The following GRM7 variants were observed in gnomAD, a reference collection of about 807,000 sequenced individuals.
GRM7 encodes glutamate metabotropic receptor 7.
GRM7 carries 35 observed loss-of-function variants against 84.5 expected under a neutral mutation model. That is an observed-to-expected ratio of 0.41 (90% CI 0.32 to 0.55). The LOEUF (loss-of-function observed/expected upper bound fraction) is 0.55, where lower values mean the gene tolerates loss of function less well. Among genes scored for constraint, GRM7 ranks in the 20% least tolerant of loss-of-function variants. The probability of loss-of-function intolerance (pLI) is 0.19; values close to 1 mark genes in which losing one functional copy is unlikely to be tolerated. For synonymous variants in GRM7, 487 were observed against 455.1 expected, an observed-to-expected ratio of 1.07 and a Z score of -0.89; for missense variants, 1,003 against 1,194.6, an observed-to-expected ratio of 0.84 and a Z score of 2.36.
At chr3:7,360,468 G>T (rs2125104228) in intron 4 of GRM7, among the ~76,000 whole-genome samples, 1 of 152,152 alleles carries the variant, frequency 6.6e-6, no homozygotes, top group South Asian at 2.1e-4. Context: ...TAACAATTAA[G>T]ATTATGTAAA....
intron 8 of GRM7, among the ~76,000 whole-genome samples, chr3:7,666,170 A>G (rs896500721): frequency 1.3e-5 from 2 of 152,208 alleles, no homozygotes; most frequent in Admixed American, 1.3e-4. Context: ...GTCTGTCGTC[A>G]TTCGAGTTAC....
intron 4 of GRM7, among the ~76,000 whole-genome samples, chr3:7,377,686 C>A (rs1575244246): frequency 6.6e-6 from 1 of 152,242 alleles, no homozygotes; most frequent in African/African-American, 2.4e-5. Flanking sequence ...GGCTTCTAGT[C>A]CCTGCAAGAC....
chr3:6,861,456 T>C lies in GRM7; in HGVS notation c.68T>C (p.Val23Ala). The change falls in exon 1 of 10, where the codon GTG becomes GCG. Residue 23 changes from valine to alanine, a missense_variant. Around this residue, in one of 2 missense-constraint regions of GRM7, gnomAD observed 93 missense variants for 68.6 expected, o/e 1.36. Coordinates refer to ENST00000357716, the MANE Select transcript of GRM7 (RefSeq NM_000844.4). This position sits in a 1 kb window ranked among gnomAD's most constrained non-coding sequence, Gnocchi z 6.4. ...AAGTTCCCCTGCTGCGTGCTGGAGG[T>C]GCTCCTGTGCGCGCTGGCGGCGGCG... ...LMKFPCCVLEVLLCALAAAAR... is the reference protein window; with the variant it reads ...LMKFPCCVLEALLCALAAAAR... 1 of 1,555,592 alleles carries C rather than the reference T, an allele frequency of 6.4e-7. No homozygotes were observed. Among genetic ancestry groups the C allele is most frequent in the Non-Finnish European group, 8.7e-7 (1 of 1,149,086 alleles).
chr3:7,409,099 G>A (rs895036453), intron 4 of GRM7, among the ~76,000 whole-genome samples: 7 of 152,116 alleles, frequency 4.6e-5, no homozygotes, highest in Non-Finnish European at 4.4e-5. Context: ...CAAGACTACT[G>A]TTTTTCAATA....
intron 2 of GRM7, among the ~76,000 whole-genome samples, chr3:7,185,676 G>A (rs142645842): frequency 1.5e-4 from 23 of 152,298 alleles, no homozygotes; most frequent in African/African-American, 5.5e-4. Flanking sequence ...CTGAGATCCT[G>A]TAAGTGATGC....
At chr3:7,730,809 CTATAA>C (rs1165481610) in intron 9 of GRM7, among the ~76,000 whole-genome samples, 2 of 152,164 alleles carry the variant, frequency 1.3e-5, no homozygotes, top group African/African-American at 2.4e-5. Flanking sequence ...TTGCTTGCAT[CTATAA>C]TATATTGAAA....
intron 7 of GRM7, among the ~76,000 whole-genome samples, chr3:7,519,397 A>T (rs1213317782): frequency 3.7e-5 from 5 of 136,974 alleles, no homozygotes; most frequent in Admixed American, 1.5e-4. Flanking sequence ...TTGCCATTAT[A>T]TTTTCATTCC....
chr3:7,373,820 C>T (rs1694235714), intron 4 of GRM7, among the ~76,000 whole-genome samples: 1 of 152,218 alleles, frequency 6.6e-6, no homozygotes, highest in Non-Finnish European at 1.5e-5. Flanking sequence ...TAGTCAATAT[C>T]TGTGCTGGGC....
At chr3:7,367,118 A>G (rs1424492030) in intron 4 of GRM7, among the ~76,000 whole-genome samples, 1 of 150,418 alleles carries the variant, frequency 6.6e-6, no homozygotes. Context: ...TACATCATTT[A>G]TTTCTTTACT....
intron 1 of GRM7, among the ~76,000 whole-genome samples, chr3:6,922,336 T>A (rs1163993295): frequency 6.6e-6 from 1 of 152,182 alleles, no homozygotes; most frequent in Non-Finnish European, 1.5e-5. Flanking sequence ...TCACTTTTTT[T>A]AAGTGAAGTC....
intron 8 of GRM7, among the ~76,000 whole-genome samples, chr3:7,679,284 C>A (rs543160469): frequency 1.3e-5 from 2 of 152,196 alleles, no homozygotes; most frequent in Non-Finnish European, 2.9e-5. Flanking sequence ...ATGGACGGAA[C>A]CCTGGGAAGG....
intron 8 of GRM7, among the ~76,000 whole-genome samples, chr3:7,652,202 T>C (rs1438473633): frequency 2.0e-5 from 3 of 151,826 alleles, no homozygotes; most frequent in Non-Finnish European, 4.4e-5. Context: ...TGTTTGAGAG[T>C]GAAGGGGGAA....
At chr3:7,019,226 C>T (rs746593793) in intron 1 of GRM7, among the ~76,000 whole-genome samples, 10 of 152,308 alleles carry the variant, frequency 6.6e-5, no homozygotes, top group East Asian at 3.9e-4. Context: ...GAAAAACACA[C>T]GTACAGCCTC....
Position 7,579,147 on chromosome 3 carries a change from CAA to C in GRM7, c.2242_2243del (p.Lys748ValfsTer2). 6.2e-7 allele frequency: 1 copy of C among 1,613,686 alleles called. No individual in the cohort carries two copies. The highest frequency in any genetic ancestry group is 8.5e-7 in the Non-Finnish European group (1 of 1,179,628). On this transcript the variant is annotated frameshift_variant, in exon 8 of 10. Transcript: ENST00000357716. LOFTEE classifies it high-confidence loss of function. ...ACCCTGAGCAAGCCAGAGGGGTTCT[CAA>C]GTGTGACATTACAGATCTCCAAATC... Reference protein sequence around the residue: ...MNPEQARGVLKCDITDLQIIC... With the variant: ...MNPEQARGVLXCDITDLQIIC...
chr3:7,330,274 A>G (rs1701151633), intron 4 of GRM7, among the ~76,000 whole-genome samples: 2 of 152,074 alleles, frequency 1.3e-5, no homozygotes, highest in South Asian at 2.1e-4. Context: ...TGATTCTATA[A>G]TGGTATAAGG....
intron 4 of GRM7, among the ~76,000 whole-genome samples, chr3:7,335,930 G>T (rs1022103589): frequency 4.0e-5 from 6 of 151,836 alleles, no homozygotes; most frequent in African/African-American, 1.4e-4. Context: ...CCAAAAAAAG[G>T]TCTAGGACCA....
Position 6,868,094 on chromosome 3 carries a change from G to A in GRM7, c.519+6187G>A, listed in dbSNP as rs145165932. Among the ~76,000 whole-genome samples, 254 of 152,196 alleles carry A rather than the reference G, an allele frequency of 1.7e-3. 1 individual carries two copies. The highest frequency in any genetic ancestry group is 5.1e-3 in the African/African-American group (213 of 41,528). ...TCCTTACCATAAGCCACTGTGCCAC[G>A]TGCTAAAAGTACTTCATTTCATTTA... is the stretch of plus-strand genomic sequence containing the variant. On this transcript the variant is annotated intron_variant, in intron 1 of 9. Transcript: ENST00000357716.
chr3:7,293,455 A>T (rs546333216), intron 2 of GRM7, among the ~76,000 whole-genome samples: 1 of 152,300 alleles, frequency 6.6e-6, no homozygotes, highest in East Asian at 1.9e-4. Context: ...GACAGCGGAC[A>T]TTCTCAGTGA....
chr3:7,128,333 A>C (rs1317760878), intron 1 of GRM7, among the ~76,000 whole-genome samples: 1 of 151,672 alleles, frequency 6.6e-6, no homozygotes, highest in African/African-American at 2.4e-5. Flanking sequence ...AACATGACTC[A>C]AGTTTGACTG....
Sources: allele counts gnomAD v4.1 joint callset (sites outside exome capture counted in the v4.1 genomes callset), GRCh38; gene constraint gnomAD v4.1.1; regional missense constraint gnomAD v4.1.1; non-coding constraint Gnocchi (gnomAD v3.1); transcripts MANE v1.5; gene names NCBI Gene and HGNC (gene_info 2026-07-23, HGNC 2026-07-21).